Variants in SPANXN4 observed in about 807,000 individuals in gnomAD.
SPANXN4 encodes SPANX family member N4, also known as sperm protein associated with the nucleus on the X chromosome N4.
A neutral mutation model predicts 6.0 loss-of-function variants in SPANXN4; 5 were observed. The ratio of observed to expected loss-of-function variants is 0.83; its 90% confidence interval spans 0.44 to 1.75. The LOEUF is 1.75. SPANXN4 is among the 40% of genes most tolerant of loss of function. SPANXN4 has a pLI of 0.02. For synonymous variants in SPANXN4, 45 were observed against 38.0 expected (o/e 1.19, Z -0.68); for missense variants, 157 against 108.6 (o/e 1.45, Z -1.98).
chrX:143,036,070 T>C (rs1394884477), downstream of SPANXN4, among the ~76,000 whole-genome samples: 1 of 107,335 alleles, frequency 9.3e-6, no homozygotes, highest in African/African-American at 3.4e-5. Context: ...TCCATCCATG[T>C]TCTGGAAAAT....
downstream of SPANXN4, among the ~76,000 whole-genome samples, chrX:143,036,891 A>G (rs1324486746): frequency 9.0e-6 from 1 of 111,293 alleles, no homozygotes; most frequent in Non-Finnish European, 1.9e-5. Context: ...AAGATCTTTC[A>G]ATGCTAGGGT....
chrX:143,032,323 CCTTT>C (rs1199718736), intron 1 of SPANXN4, among the ~76,000 whole-genome samples: 1 of 110,793 alleles, frequency 9.0e-6, no homozygotes, highest in Non-Finnish European at 1.9e-5. Context: ...CTTTGGAAGG[CCTTT>C]GGGTGTGTGC....
At chrX:143,034,227 A>T in exon 2 of SPANXN4, 1 of 1,170,573 alleles carries the variant, frequency 8.5e-7, no homozygotes, top group Non-Finnish European at 1.1e-6. Context: ...GGATCTCCAC[A>T]GGATGGTGGG....
At chrX:143,031,751 A>C (rs777061257) in intron 1 of SPANXN4, among the ~76,000 whole-genome samples, 1 of 108,013 alleles carries the variant, frequency 9.3e-6, no homozygotes, top group East Asian at 3.0e-4. Context: ...TGCCACTTCA[A>C]TTAAGTGTCT....
chrX:143,031,540 G>A (rs1207609410), intron 1 of SPANXN4, among the ~76,000 whole-genome samples: 2 of 111,584 alleles, frequency 1.8e-5, no homozygotes, highest in Admixed American at 1.9e-4. Flanking sequence ...GGTTTCCTGG[G>A]TGTCCTGGGA....
chrX:143,026,522 G>C (rs1384276566), intron 1 of SPANXN4, among the ~76,000 whole-genome samples: 1 of 111,881 alleles, frequency 8.9e-6, no homozygotes, highest in Non-Finnish European at 1.9e-5. Context: ...ATAGAAGGGA[G>C]CTTACAAGAG....
intron 1 of SPANXN4, among the ~76,000 whole-genome samples, chrX:143,028,559 C>T (rs987880322): frequency 6.3e-5 from 7 of 110,955 alleles, no homozygotes; most frequent in African/African-American, 2.3e-4. Flanking sequence ...CAAATGTTGG[C>T]CCATTGTCTG....
downstream of SPANXN4, among the ~76,000 whole-genome samples, chrX:143,034,941 T>A (rs192719926): frequency 2.4e-3 from 259 of 109,502 alleles, no homozygotes; most frequent in African/African-American, 8.4e-3. Flanking sequence ...CTGGTATTTT[T>A]ATCACCACTT....
rs752823372 is a variant in SPANXN4 at position 143,026,713 on chromosome X, G to A, written c.78+621G>A. On this transcript the variant is annotated intron_variant, in intron 1 of 2. Transcript: ENST00000370504. ...AGGCACTGGTACCGGACTTGGCAGC[G>A]GAGAAGGATGGTATCAATGTGTTGC... 1.9e-4 allele frequency among the ~76,000 whole-genome samples: 21 copies of A among 111,212 alleles called. No homozygotes were observed. In the East Asian group the frequency reaches 2.6e-3, roughly 14 times the overall value.
exon 3 of SPANXN4, chrX:143,034,577 G>C: frequency 8.6e-7 from 1 of 1,165,028 alleles, no homozygotes; most frequent in Non-Finnish European, 1.1e-6. Flanking sequence ...AAGAAGATCT[G>C]TATTGTATGT....
chrX:143,034,331 C>T lies in SPANXN4; in HGVS notation c.283+99C>T, dbSNP rs1932831747. 1 of 1,039,467 alleles carries T rather than the reference C, an allele frequency of 9.6e-7. No individual in the cohort carries two copies. The highest frequency in any genetic ancestry group is 1.3e-6 in the Non-Finnish European group (1 of 783,219). 85.7% of individuals were successfully genotyped at this position (1,039,467 alleles called of 1,213,427 possible). Reference sequence around the variant, plus strand: ...AGCTGATGACTGTGTATACCTCTGCCTTTTTTTCTGATGGTGGGGAGGAAG... The same window carrying T: ...AGCTGATGACTGTGTATACCTCTGCTTTTTTTTCTGATGGTGGGGAGGAAG... On this transcript the variant is annotated intron_variant, in intron 2 of 2. Coordinates refer to ENST00000370504, the Ensembl canonical transcript of SPANXN4.
At chrX:143,036,108 G>A (rs960669142), downstream of SPANXN4, among the ~76,000 whole-genome samples, 7 of 108,325 alleles carry the variant, frequency 6.5e-5, no homozygotes, top group African/African-American at 2.0e-4. Context: ...TCAAGTGGAG[G>A]AAGGATATTA....
At chrX:143,030,966 T>C (rs988931147) in intron 1 of SPANXN4, among the ~76,000 whole-genome samples, 1 of 111,503 alleles carries the variant, frequency 9.0e-6, no homozygotes, top group Non-Finnish European at 1.9e-5. Context: ...TTAACTGGGA[T>C]GTTGTGTGTG....
At chrX:143,035,639 G>A (rs181944154), downstream of SPANXN4, among the ~76,000 whole-genome samples, 6 of 110,264 alleles carry the variant, frequency 5.4e-5, no homozygotes, top group Non-Finnish European at 1.1e-4. Context: ...ACAGAAGTGT[G>A]ATGGATTTTT....
downstream of SPANXN4, among the ~76,000 whole-genome samples, chrX:143,037,742 C>G (rs1286376612): frequency 2.2e-4 from 24 of 111,266 alleles, no homozygotes; most frequent in Admixed American, 2.3e-3. Flanking sequence ...CAGTTTCCTC[C>G]ATGTTGCTCT....
chrX:143,030,064 T>C (rs1463545214), intron 1 of SPANXN4, among the ~76,000 whole-genome samples: 1 of 110,097 alleles, frequency 9.1e-6, no homozygotes, highest in Admixed American at 9.6e-5. Flanking sequence ...GTTTGTTTTT[T>C]TTTTAAGTGG....
At chrX:143,032,759 T>C (rs1932818262) in intron 1 of SPANXN4, among the ~76,000 whole-genome samples, 1 of 110,726 alleles carries the variant, frequency 9.0e-6, no homozygotes, top group East Asian at 2.9e-4. Flanking sequence ...CTCCAGAGGG[T>C]AGTGAATACC....
In SPANXN4 at chrX:143,033,976, T is replaced by G. The variant is rs370521644; in HGVS notation, c.79-52T>G. 302 of 1,087,153 alleles carry G rather than the reference T, an allele frequency of 2.8e-4. No homozygotes were observed. The South Asian group carries it at 6.0e-3, about 22-fold the overall frequency. 89.6% of individuals were successfully genotyped at this position (1,087,153 alleles called of 1,213,427 possible). A position where few individuals can be genotyped will look rare whatever the true frequency, so the allele number is the denominator to read the frequency against. On this transcript the variant is annotated intron_variant, in intron 1 of 2. Transcript: ENST00000370504. ...CCCCCTTGCTATCTATTCTCTACCC[T>G]CTTCATCCAAAATAACACCATTCTG...
At chrX:143,029,576 G>A (rs1932797341) in intron 1 of SPANXN4, among the ~76,000 whole-genome samples, 1 of 111,261 alleles carries the variant, frequency 9.0e-6, no homozygotes, top group Admixed American at 9.6e-5. Flanking sequence ...TTGGAAGCGG[G>A]AGGAGAGGAA....
Sources: allele counts gnomAD v4.1 joint callset (sites outside exome capture counted in the v4.1 genomes callset), GRCh38; gene constraint gnomAD v4.1.1; transcripts MANE v1.5; gene names NCBI Gene and HGNC (gene_info 2026-07-23, HGNC 2026-07-21).